The following NALF1 variants were observed in gnomAD, a reference collection of about 807,000 sequenced individuals.
NALF1 encodes the protein NALCN channel auxiliary factor 1.
Under a neutral mutation model 48.4 loss-of-function variants are expected in NALF1, and 3 were observed. The observed-to-expected ratio is 0.06, with a 90% confidence interval of 0.03 to 0.16. The LOEUF (loss-of-function observed/expected upper bound fraction) is 0.16, where lower values mean the gene tolerates loss of function less well. NALF1 is among the 10% of genes least tolerant of loss of function. The pLI is 1.00. For synonymous variants in NALF1, 262 were observed against 245.7 expected (o/e 1.07, Z -0.62); for missense variants, 526 against 571.5 (o/e 0.92, Z 0.81).
At chr13:107,366,260 C>T (rs530504966) in intron 1 of NALF1, among the ~76,000 whole-genome samples, 3 of 151,624 alleles carry the variant, frequency 2.0e-5, no homozygotes, top group South Asian at 4.2e-4. Flanking sequence ...AATCTTAATA[C>T]AAAAAAAATA....
At chr13:107,454,641 T>C (rs1284972930) in intron 1 of NALF1, among the ~76,000 whole-genome samples, 1 of 152,170 alleles carries the variant, frequency 6.6e-6, no homozygotes, top group African/African-American at 2.4e-5. Context: ...TGTTTTGGCC[T>C]GCAGGATTTT....
chr13:107,491,690 CTT>C, intron 1 of NALF1, among the ~76,000 whole-genome samples: 1 of 152,260 alleles, frequency 6.6e-6, no homozygotes, highest in East Asian at 1.9e-4. Context: ...TATTTAATGT[CTT>C]GTTTGTGCCA....
At chr13:107,849,027 C>G (rs1880244543) in intron 1 of NALF1, among the ~76,000 whole-genome samples, 1 of 152,124 alleles carries the variant, frequency 6.6e-6, no homozygotes, top group African/African-American at 2.4e-5. Flanking sequence ...ACAAACACCC[C>G]AAAATGTAGT....
intron 1 of NALF1, among the ~76,000 whole-genome samples, chr13:107,664,982 A>G (rs1880821184): frequency 6.6e-6 from 1 of 152,136 alleles, no homozygotes; most frequent in Non-Finnish European, 1.5e-5. Flanking sequence ...GAAACAAAAA[A>G]AAAATGTCAA....
At chr13:107,397,092 T>C (rs1010712602) in intron 1 of NALF1, among the ~76,000 whole-genome samples, 22 of 152,152 alleles carry the variant, frequency 1.4e-4, no homozygotes, top group African/African-American at 5.3e-4. Flanking sequence ...GTTGGAACTC[T>C]GGCATGCAGC....
intron 1 of NALF1, among the ~76,000 whole-genome samples, chr13:107,679,949 C>T (rs559688400): frequency 6.6e-6 from 1 of 152,344 alleles, no homozygotes; most frequent in East Asian, 1.9e-4. Flanking sequence ...TCTTCTTTTG[C>T]TCCCATTCTT....
chr13:107,829,410 A>G (rs1191726864), intron 1 of NALF1, among the ~76,000 whole-genome samples: 1 of 152,178 alleles, frequency 6.6e-6, no homozygotes, highest in Non-Finnish European at 1.5e-5. Context: ...AATACTGTGG[A>G]GAACCTGACA....
intron 2 of NALF1, among the ~76,000 whole-genome samples, chr13:107,186,013 G>A (rs956694844): frequency 2.0e-5 from 3 of 152,146 alleles, no homozygotes; most frequent in Non-Finnish European, 4.4e-5. Context: ...GTTCTGAGTA[G>A]TGCGAAAAAA....
rs201040672 is a variant in NALF1, at chr13:107,866,725, C to T, written c.-129G>A. On this transcript the variant is annotated 5_prime_UTR_variant, in exon 1 of 3. Coordinates refer to ENST00000375915, the MANE Select transcript of NALF1 (RefSeq NM_001080396.3). The surrounding 1 kb of genome is among the most constrained non-coding windows in gnomAD (Gnocchi z 4.4). ...CTCCCGTTTCTTCTCTCTCCTCTCT[C>T]TCTTTCTCTCTCTTCCCCTCTCCCT... The T allele has an allele frequency of 6.6e-6, 4 of 603,940 alleles. No individual in the cohort carries two copies. Among genetic ancestry groups the T allele is most frequent in the Non-Finnish European group, 1.2e-5 (4 of 346,370 alleles). The allele number at this position is 603,940 out of a possible 1,614,324, so 37.4% of individuals were successfully genotyped here. A position where few individuals can be genotyped will look rare whatever the true frequency, so the allele number is the denominator to read the frequency against.
chr13:107,301,799 A>G lies in NALF1; in HGVS notation c.916-91044T>C, dbSNP rs1344970756. Among the ~76,000 whole-genome samples the G allele has an allele frequency of 5.3e-5, 8 of 152,222 alleles. 1 individual carries two copies. The highest frequency in any genetic ancestry group is 1.5e-5 in the Non-Finnish European group (1 of 68,036). ...GGAAAGTAAAAATAAGCAAACAAAC[A>G]AAAACAATAAGAAAAACCCTGGTAC... On this transcript the variant is annotated intron_variant, in intron 1 of 2. Transcript: ENST00000375915.
At chr13:107,629,642 G>T (rs927522201) in intron 1 of NALF1, among the ~76,000 whole-genome samples, 1 of 83,444 alleles carries the variant, frequency 1.2e-5, no homozygotes, top group Non-Finnish European at 2.9e-5. Flanking sequence ...TTGTCAGAAA[G>T]CAACAAATTT....
intron 1 of NALF1, among the ~76,000 whole-genome samples, chr13:107,512,053 G>T (rs536319005): frequency 9.2e-5 from 14 of 152,314 alleles, no homozygotes; most frequent in Non-Finnish European, 1.6e-4. Context: ...TCTCTCTGGA[G>T]TTTATCTGAA....
Position 107,510,657 on chromosome 13 carries a change from G to A in NALF1, c.916-299902C>T, listed in dbSNP as rs527409120. Among the ~76,000 whole-genome samples, 7 of 152,216 alleles carry A rather than the reference G, an allele frequency of 4.6e-5. No homozygotes were observed. In the South Asian group the frequency reaches 8.3e-4, roughly 18 times the overall value. ...AAAGTAAAAAGCTAGCTCTGCCACC[G>A]TAGAGTTTGCCTTGTGAGGCCTTGA... On this transcript the variant is annotated intron_variant, in intron 1 of 2. Coordinates refer to ENST00000375915, the MANE Select transcript of NALF1 (RefSeq NM_001080396.3).
chr13:107,319,767 G>A (rs1241484831), intron 1 of NALF1, among the ~76,000 whole-genome samples: 2 of 152,028 alleles, frequency 1.3e-5, no homozygotes, highest in African/African-American at 2.4e-5. Context: ...AACCAAGGCA[G>A]TTGAACACCA....
At chr13:107,186,017 G>A (rs993017439) in intron 2 of NALF1, among the ~76,000 whole-genome samples, 6 of 152,114 alleles carry the variant, frequency 3.9e-5, no homozygotes, top group Admixed American at 2.0e-4. Flanking sequence ...TGAGTAGTGC[G>A]AAAAAAGATC....
At chr13:107,280,416 TTA>T (rs1342513449) in intron 1 of NALF1, among the ~76,000 whole-genome samples, 3 of 152,244 alleles carry the variant, frequency 2.0e-5, no homozygotes, top group Admixed American at 6.5e-5. Context: ...TATATCATTT[TTA>T]TCTTTTCACC....
chr13:107,545,812 G>A (rs1207715662), intron 1 of NALF1, among the ~76,000 whole-genome samples: 1 of 152,110 alleles, frequency 6.6e-6, no homozygotes, highest in East Asian at 1.9e-4. Context: ...TGGATTCTAT[G>A]TATGACTCTC....
At chr13:107,269,960 C>T (rs868224765) in intron 1 of NALF1, among the ~76,000 whole-genome samples, 45 of 108,734 alleles carry the variant, frequency 4.1e-4, no homozygotes, top group Middle Eastern at 0.02. Context: ...TTAGTAGAGA[C>T]GGAGTTTCTC....
chr13:107,568,324 T>C (rs918216532), intron 1 of NALF1, among the ~76,000 whole-genome samples: 1 of 152,222 alleles, frequency 6.6e-6, no homozygotes, highest in African/African-American at 2.4e-5. Flanking sequence ...TCTGTGGATA[T>C]ACCACATGGT....
Sources: gnomAD v4.1 joint callset for allele counts (sites outside exome capture counted in the v4.1 genomes callset) on GRCh38, gnomAD v4.1.1 for gene constraint, Gnocchi (gnomAD v3.1) non-coding constraint, MANE v1.5 for transcripts, NCBI Gene and HGNC (gene_info 2026-07-23, HGNC 2026-07-21) for gene names.